The following TIPRL variants were observed in gnomAD, a reference collection of about 807,000 sequenced individuals.
TIPRL encodes the protein TIP41-like protein.
A neutral mutation model predicts 32.3 loss-of-function variants in TIPRL; 10 were observed. That is an observed-to-expected ratio of 0.31 (90% CI 0.19 to 0.52). The LOEUF is 0.52. TIPRL is among the 20% of genes least tolerant of loss of function. The probability of loss-of-function intolerance (pLI) is 0.96; values close to 1 mark genes in which losing one functional copy is unlikely to be tolerated. For synonymous variants in TIPRL, 100 were observed against 114.0 expected, an observed-to-expected ratio of 0.88 and a Z score of 0.78; for missense variants, 250 against 328.1, an observed-to-expected ratio of 0.76 and a Z score of 1.84.
At chr1:168,181,939 C>T (rs895452036) in intron 1 of TIPRL, among the ~76,000 whole-genome samples, 6 of 151,804 alleles carry the variant, frequency 4.0e-5, no homozygotes, top group Non-Finnish European at 5.9e-5. Context: ...TGGTGCAGGC[C>T]TGTAATCCCA....
chr1:168,191,291 A>G lies in TIPRL; in HGVS notation c.385-78A>G. The G allele has an allele frequency of 3.8e-6, 5 of 1,332,932 alleles. No individual in the cohort carries two copies. The South Asian group carries it at 7.8e-5, about 21-fold the overall frequency. The allele number at this position is 1,332,932 out of a possible 1,614,324, so 82.6% of individuals were successfully genotyped here. A position where few individuals can be genotyped will look rare whatever the true frequency, so the allele number is the denominator to read the frequency against. On this transcript the variant is annotated intron_variant, in intron 3 of 6. Coordinates refer to ENST00000367833, the MANE Select transcript of TIPRL (RefSeq NM_152902.5). ...GAAAAGACTGATTGAAAAAGAAAAG[A>G]AAAGACTGCTTTCCTGTGTCTCTGT...
chr1:168,180,819 A>ATTTT (rs1699952203), intron 1 of TIPRL, among the ~76,000 whole-genome samples: 1 of 121,386 alleles, frequency 8.2e-6, no homozygotes, highest in Non-Finnish European at 1.7e-5. Flanking sequence ...TTTTTTTATA[A>ATTTT]CTTTTTTTTT....
At chr1:168,183,639 A>C (rs1271787032) in intron 1 of TIPRL, among the ~76,000 whole-genome samples, 1 of 152,144 alleles carries the variant, frequency 6.6e-6, no homozygotes, top group Non-Finnish European at 1.5e-5. Flanking sequence ...TCTGTGTGCT[A>C]TATATTATAG....
At position 168,179,126 on chromosome 1, in the gene TIPRL, C is replaced by A. The variant is rs1478313027; in HGVS notation, c.49C>A (p.Pro17Thr). 6.2e-7 allele frequency: 1 copy of A among 1,613,884 alleles called. No individual in the cohort carries two copies. Among genetic ancestry groups the A allele is most frequent in the Non-Finnish European group, 8.5e-7 (1 of 1,179,964 alleles). Residue 17 changes from proline (P) to threonine (T), a missense_variant, in exon 1 of 7, where the codon CCC becomes ACC. By Grantham distance (38) the Pro-to-Thr change is conservative. Coordinates refer to ENST00000367833, the MANE Select transcript of TIPRL (RefSeq NM_152902.5). The stretch of plus-strand genomic sequence containing the variant: ...CAGCCACCGGGATTTCTGCTTCGGG[C>A]CCTGGAAGCTGACGGCGTCCAAGAC... ...QSSHRDFCFGPWKLTASKTHI... is the reference protein window; with the variant it reads ...QSSHRDFCFGTWKLTASKTHI...
intron 3 of TIPRL, among the ~76,000 whole-genome samples, chr1:168,189,981 G>T (rs1432235714): frequency 6.6e-6 from 1 of 152,178 alleles, no homozygotes; most frequent in East Asian, 1.9e-4. Context: ...AATTTTGGGG[G>T]ATTCAGGAGT....
At chr1:168,197,746 T>TG (rs1325052245) in intron 5 of TIPRL, among the ~76,000 whole-genome samples, 1 of 152,102 alleles carries the variant, frequency 6.6e-6, no homozygotes, top group African/African-American at 2.4e-5. Flanking sequence ...AGGCCGGTCT[T>TG]GAACTCCTGA....
At chr1:168,186,591 C>T (rs567551287) in intron 3 of TIPRL, among the ~76,000 whole-genome samples, 3 of 152,196 alleles carry the variant, frequency 2.0e-5, no homozygotes, top group African/African-American at 4.8e-5. Flanking sequence ...TTTATTTCAG[C>T]GTAACCTGAA....
chr1:168,179,373 G>A (rs1286303273), intron 1 of TIPRL, among the ~76,000 whole-genome samples, 192 bp downstream of exon 1: 1 of 152,170 alleles, frequency 6.6e-6, no homozygotes, highest in African/African-American at 2.4e-5. Flanking sequence ...GGATCGCCAG[G>A]CGCTGCTTTC....
intron 1 of TIPRL, 123 bp downstream of exon 1, chr1:168,179,304 G>A (rs1445409750): frequency 9.2e-6 from 7 of 756,978 alleles, no homozygotes; most frequent in Non-Finnish European, 1.5e-5. Flanking sequence ...CTCCGGACCG[G>A]ACCTTTGATT....
chr1:168,183,772 T>C (rs1034513894), intron 1 of TIPRL, 130 bp from the exon 2 acceptor site: 13 of 933,804 alleles, frequency 1.4e-5, no homozygotes, highest in Non-Finnish European at 2.1e-5. Flanking sequence ...CTTGCAAATA[T>C]ATCATATTGA....
chr1:168,186,985 TCTG>T (rs1317375436), intron 3 of TIPRL, among the ~76,000 whole-genome samples: 1 of 152,218 alleles, frequency 6.6e-6, no homozygotes, highest in Non-Finnish European at 1.5e-5. Flanking sequence ...ATCTTCAGTT[TCTG>T]CTATTATTAC....
At chr1:168,186,074 C>G (rs1455056568) in intron 3 of TIPRL, among the ~76,000 whole-genome samples, 1 of 56,024 alleles carries the variant, frequency 1.8e-5, no homozygotes, top group Non-Finnish European at 3.6e-5. Context: ...GACTCCGTCT[C>G]AAAAAAAAAA....
chr1:168,184,990 C>G, intron 3 of TIPRL, 112 bp downstream of exon 3: 1 of 649,646 alleles, frequency 1.5e-6, no homozygotes, highest in Non-Finnish European at 2.6e-6. Flanking sequence ...TCCTTGTTTT[C>G]TGTTGTGGCA....
chr1:168,182,091 C>CT (rs201377875), intron 1 of TIPRL, among the ~76,000 whole-genome samples: 1,686 of 112,904 alleles, frequency 0.015, 35 homozygotes, highest in African/African-American at 0.084. Flanking sequence ...AAAAAAAATG[C>CT]CTTTTTTTAT....
At chr1:168,193,143 G>C (rs1304311110) in intron 4 of TIPRL, among the ~76,000 whole-genome samples, 1 of 152,144 alleles carries the variant, frequency 6.6e-6, no homozygotes, top group African/African-American at 2.4e-5. Flanking sequence ...AGCTATGATG[G>C]TGCCACTGCA....
At chr1:168,192,772 G>C (rs1174354403) in intron 4 of TIPRL, among the ~76,000 whole-genome samples, 1 of 152,256 alleles carries the variant, frequency 6.6e-6, no homozygotes, top group South Asian at 2.1e-4. Context: ...TGTAGTCCCA[G>C]CTACCCGGGA....
intron 1 of TIPRL, among the ~76,000 whole-genome samples, chr1:168,181,327 C>CT (rs1417747383): frequency 1.3e-5 from 2 of 151,590 alleles, no homozygotes; most frequent in East Asian, 3.9e-4. Context: ...ATTCTCCTGC[C>CT]CAGCCTCCCA....
chr1:168,195,205 A>G (rs1700138964), intron 4 of TIPRL, among the ~76,000 whole-genome samples: 1 of 152,168 alleles, frequency 6.6e-6, no homozygotes, highest in African/African-American at 2.4e-5. Flanking sequence ...CTGTGCTTAT[A>G]TGTAAGATTA....
chr1:168,199,763 C>CT (rs1473507568), intron 6 of TIPRL, 140 bp from the exon 7 acceptor site: 8 of 679,190 alleles, frequency 1.2e-5, no homozygotes, highest in Middle Eastern at 3.8e-4. Flanking sequence ...CAAGAAATAC[C>CT]TATTATTTTT....
Sources: allele counts gnomAD v4.1 joint callset (sites outside exome capture counted in the v4.1 genomes callset), GRCh38; gene constraint gnomAD v4.1.1; transcripts MANE v1.5; gene names NCBI Gene and HGNC (gene_info 2026-07-23, HGNC 2026-07-21).